FBN2: variants seen among roughly 807,000 people sequenced by gnomAD.
FBN2 encodes fibrillin-2.
Under a neutral mutation model 355.6 loss-of-function variants are expected in FBN2, and 105 were observed. The observed-to-expected ratio is 0.30, with a 90% confidence interval of 0.25 to 0.35. The LOEUF (loss-of-function observed/expected upper bound fraction) is 0.35, where lower values mean the gene tolerates loss of function less well. Ranked by LOEUF, FBN2 falls within the 10% of genes least tolerant of loss-of-function variation. FBN2 has a pLI of 1.00. For missense variants in FBN2, 3,280 were observed against 3,758.7 expected (o/e 0.87, Z 3.33); for synonymous variants, 1,350 against 1,301.2 (o/e 1.04, Z -0.81).
Position 128,479,216 on chromosome 5 carries a change from C to T in FBN2, c.629-14295G>A, listed in dbSNP as rs147296250. Among the ~76,000 whole-genome samples the T allele has an allele frequency of 2.2e-4, 33 of 152,210 alleles. No homozygotes were observed. In the East Asian group the frequency reaches 5.8e-3, roughly 27 times the overall value. ...GAAACTATTTGTACGCAATTACAGT[C>T]CCAAAGTTCCTTTGTTTTTTTGCAT... On this transcript the variant is annotated intron_variant, in intron 5 of 64. Coordinates refer to ENST00000262464, the MANE Select transcript of FBN2 (RefSeq NM_001999.4).
chr5:128,434,585 T>C (rs1753727787), intron 7 of FBN2, among the ~76,000 whole-genome samples: 1 of 150,934 alleles, frequency 6.6e-6, no homozygotes, highest in Non-Finnish European at 1.5e-5. Flanking sequence ...GGAGAAAGGT[T>C]CCCTCTCTCT....
intron 2 of FBN2, 25 bp from the exon 3 acceptor site, chr5:128,530,718 G>C (rs1440241046): frequency 2.2e-6 from 3 of 1,381,028 alleles, no homozygotes; most frequent in Non-Finnish European, 3.1e-6. Context: ...ATAGGAAAAT[G>C]AATGAATAAC....
At chr5:128,492,882 A>T (rs1755550873) in intron 5 of FBN2, among the ~76,000 whole-genome samples, 1 of 152,026 alleles carries the variant, frequency 6.6e-6, no homozygotes, top group South Asian at 2.1e-4. Flanking sequence ...GATTAGATAA[A>T]ACTTTATTTT....
At chr5:128,446,430 T>G in intron 7 of FBN2, 51 bp downstream of exon 7, 1 of 1,599,752 alleles carries the variant, frequency 6.3e-7, no homozygotes, top group Non-Finnish European at 8.6e-7. Context: ...GTCCTGTTTT[T>G]CTTGCATTAA....
intron 7 of FBN2, among the ~76,000 whole-genome samples, chr5:128,422,893 T>C (rs1753387937): frequency 1.3e-5 from 2 of 151,890 alleles, no homozygotes; most frequent in African/African-American, 4.8e-5. Flanking sequence ...AGATGACATA[T>C]AAAAAGAGAA....
intron 5 of FBN2, among the ~76,000 whole-genome samples, chr5:128,473,000 C>T (rs558987925): frequency 6.6e-6 from 1 of 152,172 alleles, no homozygotes; most frequent in Non-Finnish European, 1.5e-5. Context: ...TATTCACGTG[C>T]GACATTGACC....
intron 48 of FBN2, among the ~76,000 whole-genome samples, chr5:128,300,114 G>A (rs1176523420): frequency 2.0e-5 from 3 of 152,150 alleles, no homozygotes; most frequent in African/African-American, 7.2e-5. Context: ...AAGGGCGATA[G>A]AATTGGATAA....
chr5:128,368,859 T>TA (rs1349956159), intron 16 of FBN2, among the ~76,000 whole-genome samples: 1 of 151,176 alleles, frequency 6.6e-6, no homozygotes, highest in African/African-American at 2.4e-5. Flanking sequence ...TTTTTTTTTT[T>TA]ACCAAGACAG....
At chr5:128,474,321 T>G (rs912850288) in intron 5 of FBN2, among the ~76,000 whole-genome samples, 2 of 152,178 alleles carry the variant, frequency 1.3e-5, no homozygotes, top group African/African-American at 4.8e-5. Flanking sequence ...GCCAGAGATA[T>G]AAATGATTAA....
At chr5:128,493,025 G>A (rs10478812) in intron 5 of FBN2, among the ~76,000 whole-genome samples, 50,390 of 151,934 alleles carry the variant, frequency 0.33, 13,301 homozygotes, top group African/African-American at 0.74. Context: ...CAAGTGCTAC[G>A]AGGCTTTATC....
intron 5 of FBN2, among the ~76,000 whole-genome samples, chr5:128,501,384 G>C (rs1335187628): frequency 1.2e-4 from 18 of 152,118 alleles, no homozygotes; most frequent in Admixed American, 1.2e-3. Flanking sequence ...ACAGGAGCTA[G>C]GGAAGGAAAA....
chr5:128,479,217 C>T (rs1036796069), intron 5 of FBN2, among the ~76,000 whole-genome samples: 1 of 151,994 alleles, frequency 6.6e-6, no homozygotes, highest in African/African-American at 2.4e-5. Flanking sequence ...AATTACAGTC[C>T]CAAAGTTCCT....
chr5:128,399,017 T>C (rs1026914583), intron 8 of FBN2, among the ~76,000 whole-genome samples: 1 of 152,190 alleles, frequency 6.6e-6, no homozygotes, highest in African/African-American at 2.4e-5. Flanking sequence ...GGTATGTCTT[T>C]ATCAGCAGCA....
intron 1 of FBN2, 50 bp downstream of exon 1, chr5:128,537,300 C>G (rs1407730169): frequency 6.2e-7 from 1 of 1,602,916 alleles, no homozygotes. Flanking sequence ...CTGAGGATTC[C>G]CCCCTCCCCC....
chr5:128,309,515 T>C, intron 40 of FBN2, 116 bp from the exon 41 acceptor site: 6 of 823,260 alleles, frequency 7.3e-6, no homozygotes, highest in East Asian at 2.5e-5. Flanking sequence ...AAACCCTTTT[T>C]AGTCATTTGA....
intron 61 of FBN2, among the ~76,000 whole-genome samples, chr5:128,272,745 GAATA>G (rs1020879549): frequency 4.0e-5 from 6 of 151,730 alleles, no homozygotes; most frequent in African/African-American, 1.5e-4. Context: ...AATGACAACC[GAATA>G]TTTGAAATCT....
Position 128,537,716 on chromosome 5 carries a change from G to C in FBN2, c.-113C>G. The C allele has an allele frequency of 9.5e-7, 1 of 1,056,920 alleles. No individual in the cohort carries two copies. The highest frequency in any genetic ancestry group is 2.1e-4 in the Middle Eastern group (1 of 4,852). The allele number at this position is 1,056,920 out of a possible 1,614,324, so 65.5% of individuals were successfully genotyped here. A position where few individuals can be genotyped will look rare whatever the true frequency, so the allele number is the denominator to read the frequency against. On this transcript the variant is annotated 5_prime_UTR_variant, in exon 1 of 65. Transcript: ENST00000262464. ...CTAATAAGCCCTTCGTCGGCTCCGG[G>C]GACTCCCTCGGGCTCGGGCTCCCTG... is the stretch of plus-strand genomic sequence containing the variant.
At chr5:128,363,339 G>T (rs1031289696) in intron 18 of FBN2, among the ~76,000 whole-genome samples, 1 of 151,986 alleles carries the variant, frequency 6.6e-6, no homozygotes, top group Non-Finnish European at 1.5e-5. Context: ...ACAGGCACGT[G>T]CCACCATGCC....
chr5:128,363,930 AATCATT>A (rs1363451026), intron 18 of FBN2, among the ~76,000 whole-genome samples: 1 of 152,256 alleles, frequency 6.6e-6, no homozygotes, highest in African/African-American at 2.4e-5. Context: ...TTCTAATCAT[AATCATT>A]AACACTTGGT....
Sources: gnomAD v4.1 joint callset for allele counts (sites outside exome capture counted in the v4.1 genomes callset) on GRCh38, gnomAD v4.1.1 for gene constraint, MANE v1.5 for transcripts, NCBI Gene and HGNC (gene_info 2026-07-23, HGNC 2026-07-21) for gene names.